The following CFAP161 variants were observed in gnomAD, a reference collection of about 807,000 sequenced individuals.
The protein encoded by CFAP161 is cilia and flagella associated protein 161, also known as cilia- and flagella-associated protein 161.
A neutral mutation model predicts 29.0 loss-of-function variants in CFAP161; 25 were observed. The ratio of observed to expected loss-of-function variants is 0.86; its 90% CI spans 0.63 to 1.20. The LOEUF (loss-of-function observed/expected upper bound fraction) is 1.20. Among genes scored for constraint, CFAP161 ranks in the 50% most tolerant of loss-of-function variants. The pLI is 0.00. For missense variants in CFAP161, 367 were observed against 371.9 expected, an observed-to-expected ratio of 0.99 and a Z score of 0.11; for synonymous variants, 116 against 137.4, an observed-to-expected ratio of 0.84 and a Z score of 1.09.
chr15:81,099,453 C>A (rs1205052192), intron 1 of CFAP161: 1 of 152,270 alleles, frequency 6.6e-6, no homozygotes, highest in Non-Finnish European at 1.5e-5. Context: ...CAGTACTGTC[C>A]TCGACCATGG....
At chr15:81,133,552 T>C (rs998227315), upstream of CFAP161, among the ~76,000 whole-genome samples, 1 of 152,142 alleles carries the variant, frequency 6.6e-6, no homozygotes, top group Non-Finnish European at 1.5e-5. Flanking sequence ...CCGGTAGTCC[T>C]ACAGTAACTG....
At chr15:81,137,972 C>A in intron 3 of CFAP161, 79 bp from the exon 4 acceptor site, 7 of 1,021,086 alleles carry the variant, frequency 6.9e-6, no homozygotes, top group East Asian at 5.1e-5. Context: ...AACAAAATTG[C>A]ATGCATAAAA....
In CFAP161 at chr15:81,136,755, A is replaced by G. The variant is rs1356270125; in HGVS notation, c.392+7A>G. 23 of 1,602,336 alleles carry G rather than the reference A, an allele frequency of 1.4e-5. No individual in the cohort carries two copies. The highest frequency in any genetic ancestry group is 6.7e-5 in the Admixed American group (4 of 59,798). ...ACACTTTTATCATTTTGAGGTAAAG[A>G]GACTTTAATTTTCAGTTCATTTTCA... is the stretch of plus-strand genomic sequence containing the variant. On this transcript the variant is annotated splice_region_variant and intron_variant, in intron 3 of 6. Coordinates refer to ENST00000286732, the MANE Select transcript of CFAP161 (RefSeq NM_173528.4).
rs551427751 is a variant in CFAP161 at position 81,113,116 on chromosome 15, G to C, written c.-141-14474G>C. ...CATATTTATTATTTTATTATCACCT[G>C]GCTTTTAAATTCATCTGCGTTGTAA... On this transcript the variant is annotated intron_variant, in intron 1 of 4. Coordinates refer to the CFAP161 transcript ENST00000560091. Among the ~76,000 whole-genome samples the C allele has an allele frequency of 8.5e-5, 13 of 152,220 alleles. No individual in the cohort carries two copies. The East Asian group carries it at 2.1e-3, about 25-fold the overall frequency.
At chr15:81,146,161 C>T (rs1487319261) in intron 5 of CFAP161, among the ~76,000 whole-genome samples, 2 of 152,166 alleles carry the variant, frequency 1.3e-5, no homozygotes, top group Non-Finnish European at 2.9e-5. Context: ...CTGATGTGGA[C>T]ATTCTGTGAA....
Position 81,143,825 on chromosome 15 carries a change from G to A in CFAP161, c.636+5G>A. ...TATGAAGGCTTCCCCGTCCCGGTGA[G>A]TGCAGCATCGGGAAGACATGGGTGT... is the stretch of plus-strand genomic sequence containing the variant. On this transcript the variant is annotated splice_donor_5th_base_variant and intron_variant, in intron 5 of 6. Coordinates refer to ENST00000286732, the MANE Select transcript of CFAP161 (RefSeq NM_173528.4). The A allele has an allele frequency of 1.2e-6, 2 of 1,611,604 alleles. No individual in the cohort carries two copies. Among genetic ancestry groups the A allele is most frequent in the Non-Finnish European group, 1.7e-6 (2 of 1,178,184 alleles).
chr15:81,115,218 T>C (rs1408792368), intron 1 of CFAP161, among the ~76,000 whole-genome samples: 1 of 152,210 alleles, frequency 6.6e-6, no homozygotes, highest in Non-Finnish European at 1.5e-5. Context: ...AATTTTTTCT[T>C]TTTTTAGCAT....
chr15:81,106,399 T>C (rs1894373417), intron 1 of CFAP161, among the ~76,000 whole-genome samples: 1 of 152,214 alleles, frequency 6.6e-6, no homozygotes, highest in Admixed American at 6.5e-5. Context: ...CTCGATCTCC[T>C]GACCTCATGA....
chr15:81,135,404 G>A, intron 2 of CFAP161, 45 bp downstream of exon 2: 2 of 1,299,460 alleles, frequency 1.5e-6, no homozygotes, highest in South Asian at 1.4e-5. Context: ...TAGGGTACAT[G>A]TGCACAACGT....
intron 1 of CFAP161, among the ~76,000 whole-genome samples, chr15:81,126,798 T>C (rs955566122): frequency 1.3e-5 from 2 of 152,250 alleles, no homozygotes; most frequent in South Asian, 2.1e-4. Context: ...CACGGAACTA[T>C]TGGAATTTGC....
chr15:81,137,052 C>T (rs1486104788), intron 3 of CFAP161, among the ~76,000 whole-genome samples: 1 of 151,366 alleles, frequency 6.6e-6, no homozygotes, highest in South Asian at 2.1e-4. Context: ...CATTTTGGAA[C>T]TTTTTGAGCT....
At chr15:81,106,589 A>AG in intron 1 of CFAP161, among the ~76,000 whole-genome samples, 1 of 152,366 alleles carries the variant, frequency 6.6e-6, no homozygotes, top group South Asian at 2.1e-4. Context: ...TTCTGAACTG[A>AG]GCCTGGAGAA....
In CFAP161 at chr15:81,141,789, A is replaced by G. The variant is rs1392836293; in HGVS notation, c.478-1873A>G. 6.0e-5 allele frequency among the ~76,000 whole-genome samples: 9 copies of G among 151,226 alleles called. No individual in the cohort carries two copies. The East Asian group carries it at 1.6e-3, about 26-fold the overall frequency. ...AGCCTCTGCCTCCCGGGTTCAAGCG[A>G]TTCTCATGCCTCAGCTTCCTGCGTA... On this transcript the variant is annotated intron_variant, in intron 4 of 6. Coordinates refer to ENST00000286732, the MANE Select transcript of CFAP161 (RefSeq NM_173528.4).
intron 1 of CFAP161, among the ~76,000 whole-genome samples, chr15:81,108,919 T>C (rs1894406700): frequency 6.6e-6 from 1 of 152,030 alleles, no homozygotes; most frequent in Non-Finnish European, 1.5e-5. Flanking sequence ...CCTTTAAAAG[T>C]TTTTCAAGAT....
chr15:81,144,365 C>T lies in CFAP161; in HGVS notation c.636+545C>T, dbSNP rs539713503. ...ATCCCAGCACTTTGGGAGGCTAAGG[C>T]GGGCGGATCTTTTGAGGCCAGGAGT... On this transcript the variant is annotated intron_variant, in intron 5 of 6. Coordinates refer to ENST00000286732, the MANE Select transcript of CFAP161 (RefSeq NM_173528.4). Among the ~76,000 whole-genome samples the T allele has an allele frequency of 1.2e-4, 18 of 152,278 alleles. 1 individual carries two copies. The highest frequency in any genetic ancestry group is 4.1e-4 in the African/African-American group (17 of 41,558).
intron 2 of CFAP161, 41 bp downstream of exon 2, chr15:81,135,400 A>G: frequency 7.3e-7 from 1 of 1,376,582 alleles, no homozygotes; most frequent in Non-Finnish European, 1.0e-6. Flanking sequence ...GTTTTAGGGT[A>G]CATGTGCACA....
intron 1 of CFAP161, among the ~76,000 whole-genome samples, chr15:81,120,650 A>C (rs896674601): frequency 7.2e-5 from 11 of 152,226 alleles, no homozygotes; most frequent in African/African-American, 2.7e-4. Flanking sequence ...TGAAGGAGAG[A>C]GTTATCACCA....
chr15:81,148,640 G>T lies in CFAP161; in HGVS notation c.*107G>T. ...CTCAAGCTATTTTTGAATCAGATGT[G>T]GGACTCTCTGGGCACTATATTAAAA... is the stretch of plus-strand genomic sequence containing the variant. On this transcript the variant is annotated 3_prime_UTR_variant, in exon 7 of 7. Transcript: ENST00000286732. The T allele has an allele frequency of 2.0e-6, 2 of 989,272 alleles. No homozygotes were observed. The highest frequency in any genetic ancestry group is 3.9e-5 in the South Asian group (2 of 51,260). 61.3% of individuals were successfully genotyped at this position (989,272 alleles called of 1,614,324 possible).
chr15:81,140,501 A>G (rs1234281266), intron 4 of CFAP161, among the ~76,000 whole-genome samples: 1 of 150,998 alleles, frequency 6.6e-6, no homozygotes, highest in African/African-American at 2.4e-5. Context: ...TGTATATACT[A>G]CCCTGTGCTT....
Sources: gnomAD v4.1 joint callset for allele counts (sites outside exome capture counted in the v4.1 genomes callset) on GRCh38, gnomAD v4.1.1 for gene constraint, MANE v1.5 for transcripts, NCBI Gene and HGNC (gene_info 2026-07-23, HGNC 2026-07-21) for gene names.